MACROD2: variants seen among roughly 807,000 people sequenced by gnomAD.
MACROD2 encodes the protein mono-ADP ribosylhydrolase 2.
MACROD2 carries 36 observed loss-of-function variants against 70.4 expected under a neutral mutation model. The ratio of observed to expected loss-of-function variants is 0.51; its 90% CI spans 0.39 to 0.68. The LOEUF (loss-of-function observed/expected upper bound fraction) is 0.68. Among genes scored for constraint, MACROD2 ranks in the 30% least tolerant of loss-of-function variants. MACROD2 has a pLI of 0.00. For synonymous variants in MACROD2, 172 were observed against 178.8 expected, an observed-to-expected ratio of 0.96 and a Z score of 0.30; for missense variants, 496 against 538.4, an observed-to-expected ratio of 0.92 and a Z score of 0.78.
chr20:15,206,575 A>G (rs1490388624), intron 5 of MACROD2, among the ~76,000 whole-genome samples: 1 of 151,756 alleles, frequency 6.6e-6, no homozygotes, highest in Non-Finnish European at 1.5e-5. Flanking sequence ...CTCATGGCCA[A>G]TCCAGTGAAT....
At position 16,014,886 on chromosome 20, in the gene MACROD2, A is replaced by G. The variant is rs1454761632; in HGVS notation, c.1154-26315A>G. ...TTAGAGCTCTCTTATAATCCATTAA[A>G]TCAAGTCCTATATTCTCATCTTCTA... On this transcript the variant is annotated intron_variant, in intron 15 of 17. Transcript: ENST00000684519. 3.9e-5 allele frequency among the ~76,000 whole-genome samples: 6 copies of G among 152,202 alleles called. No individual in the cohort carries two copies. The East Asian group carries it at 1.2e-3, about 29-fold the overall frequency.
intron 6 of MACROD2, among the ~76,000 whole-genome samples, chr20:15,352,119 CAG>C (rs2146225705): frequency 6.6e-6 from 1 of 152,244 alleles, no homozygotes; most frequent in South Asian, 2.1e-4. Flanking sequence ...AGTGTAGAAA[CAG>C]AGAACATGAA....
intron 5 of MACROD2, among the ~76,000 whole-genome samples, chr20:15,058,132 C>T (rs1004908759): frequency 1.3e-5 from 2 of 152,136 alleles, no homozygotes; most frequent in Admixed American, 1.3e-4. Flanking sequence ...CATAGTCTTT[C>T]TACTTTCTTT....
At chr20:15,879,303 C>T (rs1169306876) in intron 9 of MACROD2, among the ~76,000 whole-genome samples, 2 of 152,110 alleles carry the variant, frequency 1.3e-5, no homozygotes, top group Non-Finnish European at 2.9e-5. Context: ...AGTGGCATGA[C>T]TCCCTACTTC....
At chr20:14,559,612 T>C (rs1048038441) in intron 4 of MACROD2, among the ~76,000 whole-genome samples, 5 of 151,848 alleles carry the variant, frequency 3.3e-5, no homozygotes, top group Admixed American at 6.6e-5. Flanking sequence ...TACTTTCTGT[T>C]TTTATAACTT....
intron 3 of MACROD2, among the ~76,000 whole-genome samples, chr20:14,359,239 T>A (rs1341056283): frequency 6.6e-6 from 1 of 151,992 alleles, no homozygotes; most frequent in Non-Finnish European, 1.5e-5. Context: ...AGATCATGAA[T>A]AATTATCTGT....
At chr20:15,558,182 C>T (rs1035179) in intron 8 of MACROD2, among the ~76,000 whole-genome samples, 21,606 of 152,150 alleles carry the variant, frequency 0.14, 1,972 homozygotes, top group African/African-American at 0.24. Flanking sequence ...TTGGGCTGCC[C>T]GTGTACTTTG....
At chr20:16,046,102 A>G (rs2067376927) in intron 17 of MACROD2, among the ~76,000 whole-genome samples, 1 of 152,126 alleles carries the variant, frequency 6.6e-6, no homozygotes, top group Admixed American at 6.6e-5. Flanking sequence ...CACTCACTGC[A>G]TGTTCTTGAT....
chr20:14,529,172 A>C (rs2085272862), intron 4 of MACROD2, among the ~76,000 whole-genome samples: 1 of 152,204 alleles, frequency 6.6e-6, no homozygotes, highest in Non-Finnish European at 1.5e-5. Flanking sequence ...TTGCACACTG[A>C]AAAAGCCATC....
intron 6 of MACROD2, among the ~76,000 whole-genome samples, chr20:15,324,210 A>C (rs569062759): frequency 6.6e-6 from 1 of 152,246 alleles, no homozygotes; most frequent in East Asian, 1.9e-4. Flanking sequence ...AAAAGGGTTC[A>C]ATTTTTTACT....
intron 6 of MACROD2, among the ~76,000 whole-genome samples, chr20:15,258,233 C>G (rs2077217054): frequency 6.6e-6 from 1 of 151,606 alleles, no homozygotes; most frequent in South Asian, 2.1e-4. Context: ...TGAAGAAAAA[C>G]TTTTTAAAAA....
intron 3 of MACROD2, among the ~76,000 whole-genome samples, chr20:14,118,155 A>T (rs6042540): frequency 6.6e-6 from 1 of 152,356 alleles, no homozygotes; most frequent in Admixed American, 6.5e-5. Flanking sequence ...TATATTAACC[A>T]TTTGTGGTAT....
chr20:15,199,046 A>C (rs1280573981), intron 5 of MACROD2, among the ~76,000 whole-genome samples: 1 of 119,688 alleles, frequency 8.4e-6, no homozygotes. Context: ...ACATCCTTTT[A>C]GATAGTGGCA....
chr20:14,097,729 T>G (rs1030835799), intron 3 of MACROD2, among the ~76,000 whole-genome samples: 1 of 152,202 alleles, frequency 6.6e-6, no homozygotes, highest in Non-Finnish European at 1.5e-5. Context: ...TTTTTTTGGG[T>G]TTTGGAATAT....
chr20:15,390,869 G>A (rs2045783278), intron 6 of MACROD2, among the ~76,000 whole-genome samples: 1 of 152,170 alleles, frequency 6.6e-6, no homozygotes, highest in Admixed American at 6.5e-5. Context: ...TTAAGTCAGA[G>A]AACTTACAAA....
chr20:15,573,435 A>G (rs1310391723), intron 8 of MACROD2, among the ~76,000 whole-genome samples: 1 of 152,156 alleles, frequency 6.6e-6, no homozygotes, highest in Non-Finnish European at 1.5e-5. Context: ...GGAATATTTC[A>G]TAGGAAAATC....
intron 4 of MACROD2, among the ~76,000 whole-genome samples, chr20:14,522,912 A>C (rs1328534914): frequency 6.6e-6 from 1 of 152,182 alleles, no homozygotes; most frequent in Non-Finnish European, 1.5e-5. Context: ...AGTGTTTAGT[A>C]ATCTGTAGGC....
chr20:14,988,355 C>CA (rs11087116), intron 5 of MACROD2, among the ~76,000 whole-genome samples: 101,459 of 112,030 alleles, frequency 0.91, 46,205 homozygotes, highest in East Asian at 0.94. Flanking sequence ...GAGACTCTGT[C>CA]AAAAAAAAAA....
At chr20:15,310,206 A>T (rs755780267) in intron 6 of MACROD2, among the ~76,000 whole-genome samples, 1 of 152,100 alleles carries the variant, frequency 6.6e-6, no homozygotes, top group African/African-American at 2.4e-5. Context: ...TAACTTTTTA[A>T]ATTATTTTAT....
Sources: allele counts gnomAD v4.1 joint callset (sites outside exome capture counted in the v4.1 genomes callset), GRCh38; gene constraint gnomAD v4.1.1; transcripts MANE v1.5; gene names NCBI Gene and HGNC (gene_info 2026-07-23, HGNC 2026-07-21).